Variants in DLGAP2 observed in about 807,000 individuals in gnomAD.
DLGAP2 encodes the protein disks large-associated protein 2.
Under a neutral mutation model 100.3 loss-of-function variants are expected in DLGAP2, and 26 were observed. The observed-to-expected ratio is 0.26, with a 90% CI of 0.19 to 0.36. The LOEUF (loss-of-function observed/expected upper bound fraction) is 0.36, where lower values mean the gene tolerates loss of function less well. Among genes scored for constraint, DLGAP2 ranks in the 10% least tolerant of loss-of-function variants. The probability of loss-of-function intolerance (pLI) is 1.00; values close to 1 mark genes in which losing one functional copy is unlikely to be tolerated. For synonymous variants in DLGAP2, 886 were observed against 630.1 expected (o/e 1.41, Z -6.08); for missense variants, 1,858 against 1,453.2 (o/e 1.28, Z -4.53).
At chr8:1,059,898 G>C (rs1480257314) in intron 2 of DLGAP2, among the ~76,000 whole-genome samples, 2 of 152,186 alleles carry the variant, frequency 1.3e-5, no homozygotes, top group Non-Finnish European at 2.9e-5. Flanking sequence ...CGCATTCTGT[G>C]TGGCCCCGGG....
At chr8:1,218,870 T>G (rs960794253) in intron 2 of DLGAP2, among the ~76,000 whole-genome samples, 1 of 152,184 alleles carries the variant, frequency 6.6e-6, no homozygotes, top group Admixed American at 6.5e-5. Context: ...CCTAGGAATT[T>G]TATTCATTTT....
rs148307399 is a variant in DLGAP2 at position 1,435,966 on chromosome 8, A to G, written c.107-65400A>G. On this transcript the variant is annotated intron_variant, in intron 3 of 14. Transcript: ENST00000637795. Reference sequence around the variant, plus strand: ...AAATATTTGTACAGCTGTACAATGCATTTGTGTTTTAAGCTCAGCCTTACA... The same window carrying G: ...AAATATTTGTACAGCTGTACAATGCGTTTGTGTTTTAAGCTCAGCCTTACA... Among the ~76,000 whole-genome samples, 235 of 152,316 alleles carry G rather than the reference A, an allele frequency of 1.5e-3. 1 individual carries two copies. The highest frequency in any genetic ancestry group is 5.4e-3 in the African/African-American group (223 of 41,572).
At chr8:1,622,980 C>T (rs1797386590) in intron 6 of DLGAP2, among the ~76,000 whole-genome samples, 1 of 152,168 alleles carries the variant, frequency 6.6e-6, no homozygotes, top group Non-Finnish European at 1.5e-5. Flanking sequence ...TGATTGGCTC[C>T]CCCTAGTCCT....
In DLGAP2 at chr8:1,603,609, G is replaced by GTTAGAGTGGAGGCTGT. The variant is rs1385503769; in HGVS notation, c.1443-23131_1443-23130insTTAGAGTGGAGGCTGT. 3.3e-5 allele frequency among the ~76,000 whole-genome samples: 5 copies of GTTAGAGTGGAGGCTGT among 152,332 alleles called. No individual in the cohort carries two copies. The East Asian group carries it at 9.6e-4, about 29-fold the overall frequency. ...CAGAGGCTGGTTAGAGTGGAGGCTG[G>GTTAGAGTGGAGGCTGT]GTCTCAGTTCTGTAGAGGCTGGTTA... is the stretch of plus-strand genomic sequence containing the variant. On this transcript the variant is annotated intron_variant, in intron 6 of 14. Transcript: ENST00000637795.
At chr8:910,500 G>C (rs1798463524) in intron 2 of DLGAP2, 1 of 152,198 alleles carries the variant, frequency 6.6e-6, no homozygotes. Context: ...CGACCAAGGA[G>C]ACCATCCTTT....
chr8:1,140,122 A>G (rs1016871795), intron 2 of DLGAP2, among the ~76,000 whole-genome samples: 1 of 152,190 alleles, frequency 6.6e-6, no homozygotes, highest in Non-Finnish European at 1.5e-5. Context: ...TTTCCATTAC[A>G]AGGAAACCTA....
At chr8:930,977 C>T (rs1278109842) in intron 2 of DLGAP2, among the ~76,000 whole-genome samples, 2 of 152,200 alleles carry the variant, frequency 1.3e-5, no homozygotes, top group Non-Finnish European at 2.9e-5. Context: ...GGCTCAGATC[C>T]ATTCTTCTGG....
rs142101788 is a variant in DLGAP2 at position 1,358,246 on chromosome 8, G to C, written c.106+99363G>C. On this transcript the variant is annotated intron_variant, in intron 3 of 14. Transcript: ENST00000637795. Reference sequence around the variant, plus strand: ...GCGAAAGGTTTGGTGAGTGGAATGAGGTGAGAATCTAAGTAATTTCACTGA... The same window carrying C: ...GCGAAAGGTTTGGTGAGTGGAATGACGTGAGAATCTAAGTAATTTCACTGA... 1.9e-4 allele frequency among the ~76,000 whole-genome samples: 29 copies of C among 152,276 alleles called. No individual in the cohort carries two copies. In the East Asian group the frequency reaches 5.6e-3, roughly 29 times the overall value.
In DLGAP2 at chr8:1,626,843, A is replaced by T. The variant is rs1185229966; in HGVS notation, c.1546A>T (p.Met516Leu). Residue 516 changes from methionine (M) to leucine (L), a missense_variant, in exon 7 of 15, where the codon ATG becomes TTG. By Grantham distance (15) the Met-to-Leu change is conservative (BLOSUM62 2). Coordinates refer to ENST00000637795, the MANE Select transcript of DLGAP2 (RefSeq NM_001346810.2). ...PKFRSRNQSY[M>L]RAVSTLSQAS... Reference sequence around the variant, plus strand: ...ATTCCGCTCCCGGAACCAGAGCTACATGAGGGCCGTCAGCACCCTGAGCCA... The same window carrying T: ...ATTCCGCTCCCGGAACCAGAGCTACTTGAGGGCCGTCAGCACCCTGAGCCA... The T allele has an allele frequency of 6.2e-7, 1 of 1,607,176 alleles. No homozygotes were observed. Among genetic ancestry groups the T allele is most frequent in the Admixed American group, 1.7e-5 (1 of 59,432 alleles).
At chr8:1,649,668 C>G (rs919751206) in intron 8 of DLGAP2, among the ~76,000 whole-genome samples, 1 of 152,100 alleles carries the variant, frequency 6.6e-6, no homozygotes, top group African/African-American at 2.4e-5. Flanking sequence ...AAGGAAATAT[C>G]TATGAAGGTA....
chr8:1,647,874 G>A (rs557425101), intron 8 of DLGAP2, among the ~76,000 whole-genome samples: 1 of 152,232 alleles, frequency 6.6e-6, no homozygotes, highest in African/African-American at 2.4e-5. Flanking sequence ...TTGTTCATAG[G>A]CAGCAGCTTT....
intron 1 of DLGAP2, among the ~76,000 whole-genome samples, chr8:784,265 G>T (rs1273082547): frequency 6.6e-6 from 1 of 152,184 alleles, no homozygotes; most frequent in South Asian, 2.1e-4. Flanking sequence ...GTTTAGTCAA[G>T]AAGACAGTTT....
At chr8:1,373,661 G>A (rs1563112568) in intron 3 of DLGAP2, 1 of 152,250 alleles carries the variant, frequency 6.6e-6, no homozygotes, top group African/African-American at 2.4e-5. Context: ...TCGATCATCA[G>A]TGAAGTCCTT....
chr8:1,562,634 T>C (rs1281335665), intron 5 of DLGAP2, among the ~76,000 whole-genome samples: 1 of 49,534 alleles, frequency 2.0e-5, no homozygotes, highest in Non-Finnish European at 3.7e-5. Context: ...GGTGTTGGGG[T>C]GTCCGCGCCT....
chr8:748,450 G>C (rs1436509490), intron 1 of DLGAP2, among the ~76,000 whole-genome samples: 2 of 152,124 alleles, frequency 1.3e-5, no homozygotes, highest in Non-Finnish European at 2.9e-5. Context: ...GGAACAGAGT[G>C]GGCCATGTGG....
intron 3 of DLGAP2, among the ~76,000 whole-genome samples, chr8:1,310,565 C>G (rs941766834): frequency 2.6e-5 from 4 of 152,334 alleles, no homozygotes; most frequent in Middle Eastern, 3.4e-3. Context: ...GTACATGAAA[C>G]ATTCTCCACA....
Position 781,648 on chromosome 8 carries a change from C to T in DLGAP2, c.18+43823C>T, listed in dbSNP as rs189671105. ...ATTAACACAAGAGGACAAAGAAGTT[C>T]GTTGTGACACGGTGATTTGGCTGAA... On this transcript the variant is annotated intron_variant, in intron 1 of 14. Coordinates refer to ENST00000637795, the MANE Select transcript of DLGAP2 (RefSeq NM_001346810.2). Among the ~76,000 whole-genome samples, 23 of 152,170 alleles carry T rather than the reference C, an allele frequency of 1.5e-4. No homozygotes were observed. In the East Asian group the frequency reaches 4.1e-3, roughly 27 times the overall value.
intron 4 of DLGAP2, among the ~76,000 whole-genome samples, chr8:1,503,234 G>A (rs1275690809): frequency 6.6e-6 from 1 of 152,068 alleles, no homozygotes; most frequent in Non-Finnish European, 1.5e-5. Context: ...TCTGTCTCTA[G>A]AACTTTTTCC....
At chr8:770,507 C>T (rs1007307529) in intron 1 of DLGAP2, among the ~76,000 whole-genome samples, 2 of 152,232 alleles carry the variant, frequency 1.3e-5, no homozygotes, top group South Asian at 2.1e-4. Context: ...ATATGTTCCT[C>T]AGCTTTACAG....
Sources: gnomAD v4.1 joint callset for allele counts (sites outside exome capture counted in the v4.1 genomes callset) on GRCh38, gnomAD v4.1.1 for gene constraint, MANE v1.5 for transcripts, NCBI Gene and HGNC (gene_info 2026-07-23, HGNC 2026-07-21) for gene names.